Variants in UPP1 observed in about 807,000 individuals in gnomAD.
The protein encoded by UPP1 is uridine phosphorylase 1.
Under a neutral mutation model 29.6 loss-of-function variants are expected in UPP1, and 25 were observed. The observed-to-expected ratio is 0.85, with a 90% CI of 0.62 to 1.18. The LOEUF is 1.18. Ranked by LOEUF, UPP1 falls within the 50% of genes most tolerant of loss-of-function variation. The probability of loss-of-function intolerance (pLI) is 0.00; values close to 1 mark genes in which losing one functional copy is unlikely to be tolerated. For synonymous variants in UPP1, 165 were observed against 159.8 expected (o/e 1.03, Z -0.25); for missense variants, 368 against 410.4 (o/e 0.90, Z 0.89).
rs139165403 is a variant in UPP1, at chr7:48,101,944, T to A, written c.283T>A (p.Tyr95Asn). Residue 95 changes from tyrosine (Y) to asparagine (N), a missense_variant, in exon 5 of 9, where the codon TAT becomes AAT. Coordinates refer to ENST00000395564, the MANE Select transcript of UPP1 (RefSeq NM_003364.4). ...CAACATCTGTGCGGGAACTGACCGC[T>A]ATGCCATGTATAAAGTAGGACCGGT... ...YPNICAGTDR[Y>N]AMYKVGPVLS... 1.2e-5 allele frequency: 19 copies of A among 1,613,876 alleles called. No individual in the cohort carries two copies. The African/African-American group carries it at 2.4e-4, about 20-fold the overall frequency.
chr7:48,108,578 T>C lies in UPP1; in HGVS notation c.*221T>C, dbSNP rs894501146. The stretch of plus-strand genomic sequence containing the variant: ...AATGATGTTAGCCTGATTTGGGGTT[T>C]CTTCAAGAACATTCTACCAAATTTT... On this transcript the variant is annotated 3_prime_UTR_variant, in exon 9 of 9. Transcript: ENST00000395564. 80 of 480,504 alleles carry C rather than the reference T, an allele frequency of 1.7e-4. No individual in the cohort carries two copies. The East Asian group carries it at 3.0e-3, about 18-fold the overall frequency. 29.8% of individuals were successfully genotyped at this position (480,504 alleles called of 1,614,324 possible). A position where few individuals can be genotyped will look rare whatever the true frequency, so the allele number is the denominator to read the frequency against.
chr7:48,099,629 C>T, intron 3 of UPP1, 41 bp from the exon 4 acceptor site: 2 of 1,414,126 alleles, frequency 1.4e-6, no homozygotes, highest in Non-Finnish European at 2.0e-6. Flanking sequence ...CTGTCGGGCA[C>T]TGATGTTCTA....
chr7:48,107,295 T>A, intron 7 of UPP1, 66 bp from the exon 8 acceptor site: 1 of 1,538,386 alleles, frequency 6.5e-7, no homozygotes, highest in East Asian at 2.3e-5. Context: ...TGGGCATCAG[T>A]GGCGCTGATG....
rs1170609377 is a variant in UPP1 at position 48,106,940 on chromosome 7, G to C, written c.504G>C (p.Glu168Asp). 6.2e-7 allele frequency: 1 copy of C among 1,613,492 alleles called. No homozygotes were observed. The highest frequency in any genetic ancestry group is 8.5e-7 in the Non-Finnish European group (1 of 1,179,988). ...ATACCTGCTTCAAGGCAGAGTTTGA[G>C]CAGATTGTCCTGGGGAAGCGGGTCA... ...AVDTCFKAEF[E>D]QIVLGKRVIR... is the part of the protein sequence containing the mutation. Residue 168 changes from glutamate to aspartate, a missense_variant, in exon 7 of 9, where the codon GAG becomes GAC. By Grantham distance (45) the Glu-to-Asp change is conservative. Coordinates refer to ENST00000395564, the MANE Select transcript of UPP1 (RefSeq NM_003364.4).
At chr7:48,101,687 C>A in intron 4 of UPP1, 137 bp from the exon 5 acceptor site, 1 of 975,932 alleles carries the variant, frequency 1.0e-6, no homozygotes, top group Non-Finnish European at 1.5e-6. Flanking sequence ...TTAGATTCAG[C>A]AGGTCCTGGT....
intron 3 of UPP1, among the ~76,000 whole-genome samples, chr7:48,098,706 G>A (rs1394034738): frequency 6.6e-6 from 1 of 152,134 alleles, no homozygotes; most frequent in Non-Finnish European, 1.5e-5. Context: ...GGGGTTCAGG[G>A]CAGAAAGTCA....
At chr7:48,101,288 T>C (rs747775826) in intron 4 of UPP1, among the ~76,000 whole-genome samples, 3 of 152,154 alleles carry the variant, frequency 2.0e-5, no homozygotes, top group Non-Finnish European at 2.9e-5. Context: ...GTTCTGCAAA[T>C]TAAAGTTTTT....
rs566705835 is a variant in UPP1, at chr7:48,090,172, T to C, written c.-198-16T>C. On this transcript the variant is annotated splice_polypyrimidine_tract_variant and intron_variant, in intron 1 of 8. Coordinates refer to ENST00000395564, the MANE Select transcript of UPP1 (RefSeq NM_003364.4). ...CACGATTCTTTTATATGGCAACCTG[T>C]TCTTGGACCTGGCAGGGCCCAGAGA... The C allele has an allele frequency of 1.1e-4, 16 of 152,232 alleles. No homozygotes were observed. The highest frequency in any genetic ancestry group is 2.2e-4 in the Non-Finnish European group (15 of 68,036). The allele number at this position is 152,232 out of a possible 1,614,324, so 9.4% of individuals were successfully genotyped here.
At chr7:48,106,821 A>G (rs1269241662) in intron 6 of UPP1, 52 bp from the exon 7 acceptor site, 1 of 1,589,890 alleles carries the variant, frequency 6.3e-7, no homozygotes, top group African/African-American at 1.3e-5. Context: ...CCCTGCTTTA[A>G]TTTTATTTTG....
chr7:48,090,003 A>G (rs1471331949), intron 1 of UPP1, among the ~76,000 whole-genome samples, 185 bp from the exon 2 acceptor site: 1 of 152,248 alleles, frequency 6.6e-6, no homozygotes, highest in African/African-American at 2.4e-5. Flanking sequence ...CAGAGTTCAG[A>G]TGGCGTCAAG....
At chr7:48,104,549 T>G (rs1257387374) in intron 6 of UPP1, 1 of 152,238 alleles carries the variant, frequency 6.6e-6, no homozygotes, top group Non-Finnish European at 1.5e-5. Flanking sequence ...CTGGACTATC[T>G]AGGATTTATA....
chr7:48,099,031 C>T (rs1033534968), intron 3 of UPP1, among the ~76,000 whole-genome samples: 1 of 152,210 alleles, frequency 6.6e-6, no homozygotes, highest in Non-Finnish European at 1.5e-5. Context: ...TGCAAAACCA[C>T]ATGTATTTAT....
intron 2 of UPP1, 53 bp from the exon 3 acceptor site, chr7:48,094,710 A>G: frequency 6.4e-7 from 1 of 1,557,128 alleles, no homozygotes; most frequent in Non-Finnish European, 8.9e-7. Flanking sequence ...GCTCTGCACG[A>G]TCTTGGTTTC....
Position 48,106,891 on chromosome 7 carries a change from T to TG in UPP1, c.457dup (p.Val153GlyfsTer16). The TG allele has an allele frequency of 6.2e-7, 1 of 1,613,784 alleles. No homozygotes were observed. The highest frequency in any genetic ancestry group is 1.1e-5 in the South Asian group (1 of 91,056). On this transcript the variant is annotated frameshift_variant, in exon 7 of 9. Transcript: ENST00000395564. LOFTEE classifies it high-confidence loss of function. ...TCCTCAGGTCTGGAGCCCGGCACTG[T>TG]GGTCATAACAGAGCAGGCAGTGGAT...
At chr7:48,092,082 CCT>C (rs1045372387) in intron 2 of UPP1, among the ~76,000 whole-genome samples, 16 of 152,116 alleles carry the variant, frequency 1.1e-4, no homozygotes, top group African/African-American at 3.9e-4. Context: ...AGGGAGCTCA[CCT>C]CTTAGCTCTT....
chr7:48,104,211 C>T (rs956409508), intron 6 of UPP1, among the ~76,000 whole-genome samples: 3 of 152,038 alleles, frequency 2.0e-5, no homozygotes, highest in Non-Finnish European at 2.9e-5. Context: ...AGCGAGACTC[C>T]ATCTCAACAA....
intron 6 of UPP1, chr7:48,104,078 C>T (rs536232541): frequency 1.9e-3 from 734 of 376,692 alleles, no homozygotes; most frequent in Non-Finnish European, 2.7e-3. Context: ...ATTAGCTGGG[C>T]GTGGTGGTGC....
chr7:48,105,688 AT>A (rs1363110509), intron 6 of UPP1: 1 of 152,272 alleles, frequency 6.6e-6, no homozygotes, highest in Non-Finnish European at 1.5e-5. Context: ...TAACTTTCGG[AT>A]TCATAGAGCT....
intron 2 of UPP1, 113 bp from the exon 3 acceptor site, chr7:48,094,650 G>C: frequency 1.2e-6 from 1 of 811,558 alleles, no homozygotes; most frequent in East Asian, 2.6e-5. Context: ...CTTACATCAG[G>C]TGTGTAAGGA....
Sources: gnomAD v4.1 joint callset for allele counts (sites outside exome capture counted in the v4.1 genomes callset) on GRCh38, gnomAD v4.1.1 for gene constraint, MANE v1.5 for transcripts, NCBI Gene and HGNC (gene_info 2026-07-23, HGNC 2026-07-21) for gene names.